The following TJP2 variants were observed in gnomAD, a reference collection of about 807,000 sequenced individuals.
TJP2 encodes Friedreich ataxia region gene X104 (tight junction protein ZO-2).
Under a neutral mutation model 133.1 loss-of-function variants are expected in TJP2, and 91 were observed. That is an observed-to-expected ratio of 0.68 (90% CI 0.58 to 0.81). The LOEUF is 0.81. Among genes scored for constraint, TJP2 ranks in the 40% least tolerant of loss-of-function variants. The probability of loss-of-function intolerance (pLI) is 0.00; values close to 1 mark genes in which losing one functional copy is unlikely to be tolerated. For missense variants in TJP2, 1,541 were observed against 1,565.6 expected (o/e 0.98, Z 0.26); for synonymous variants, 592 against 583.4 (o/e 1.01, Z -0.21).
chr9:69,139,590 A>G (rs900180572), intron 1 of TJP2, among the ~76,000 whole-genome samples: 1 of 152,112 alleles, frequency 6.6e-6, no homozygotes, highest in African/African-American at 2.4e-5. Flanking sequence ...CAGGCATGAG[A>G]TAATGAATTT....
At chr9:69,238,146 A>G (rs1000029050) in intron 15 of TJP2, among the ~76,000 whole-genome samples, 173 bp downstream of exon 15, 4 of 152,150 alleles carry the variant, frequency 2.6e-5, no homozygotes, top group African/African-American at 9.7e-5. Context: ...ACACATACAC[A>G]CACACATACA....
chr9:69,191,655 G>A (rs937715774), intron 1 of TJP2, among the ~76,000 whole-genome samples: 7 of 152,182 alleles, frequency 4.6e-5, no homozygotes, highest in Admixed American at 4.6e-4. Context: ...TGGGGACTGT[G>A]TCCTATGTTG....
At chr9:69,176,151 A>G (rs1251817671) in intron 1 of TJP2, among the ~76,000 whole-genome samples, 2 of 152,204 alleles carry the variant, frequency 1.3e-5, no homozygotes, top group Non-Finnish European at 2.9e-5. Flanking sequence ...TCCTATATGC[A>G]TTCCCTTCAG....
chr9:69,215,223 C>T (rs886392793), intron 2 of TJP2, among the ~76,000 whole-genome samples: 2 of 152,068 alleles, frequency 1.3e-5, no homozygotes, highest in South Asian at 2.1e-4. Context: ...GTACTGTGTT[C>T]GGTACTTGAG....
At chr9:69,227,600 C>T (rs796171464) in intron 7 of TJP2, among the ~76,000 whole-genome samples, 165 bp from the exon 8 acceptor site, 4 of 152,132 alleles carry the variant, frequency 2.6e-5, no homozygotes, top group Non-Finnish European at 5.9e-5. Context: ...TCCCTTAAAA[C>T]GAGCAAGTTT....
intron 21 of TJP2, among the ~76,000 whole-genome samples, 176 bp from the exon 22 acceptor site, chr9:69,252,639 G>T (rs957349461): frequency 1.3e-5 from 2 of 152,204 alleles, no homozygotes; most frequent in Non-Finnish European, 2.9e-5. Flanking sequence ...CCTGTCTGAC[G>T]TGTACCGCAC....
chr9:69,225,322 G>A lies in TJP2; in HGVS notation c.971G>A (p.Gly324Glu), dbSNP rs1829254476. Reference protein sequence around the residue: ...RANEEYGLRLGSQIFVKEMTR... With the variant: ...RANEEYGLRLESQIFVKEMTR... ...CTCCTAGAGTATGGTCTCCGGCTTG[G>A]GAGTCAGATCTTCGTAAAGGAAATG... is the stretch of plus-strand genomic sequence containing the variant. The change falls in exon 6 of 23, where the codon GGG becomes GAG. Residue 324 changes from glycine (G) to glutamate (E), a missense_variant. Physicochemically the swap from Gly to Glu is moderately conservative, Grantham distance 98 (BLOSUM62 -2). Transcript: ENST00000377245. 6.2e-7 allele frequency: 1 copy of A among 1,613,316 alleles called. No homozygotes were observed. The highest frequency in any genetic ancestry group is 2.2e-5 in the East Asian group (1 of 44,868).
At chr9:69,145,765 A>G in intron 1 of TJP2, 1 of 1,232,098 alleles carries the variant, frequency 8.1e-7, no homozygotes. Context: ...CCACTTAACA[A>G]AAGAGAACTT....
At position 69,126,124 on chromosome 9, in the gene TJP2, C is replaced by T. The variant is rs75290966; in HGVS notation, c.-131+4399C>T. ...AATAAGAAATTCCTACCTACTCACTCCCCTTCACCTCCAGCAGTTATATTG... is the reference window on the plus strand; with the variant it reads ...AATAAGAAATTCCTACCTACTCACTTCCCTTCACCTCCAGCAGTTATATTG... On this transcript the variant is annotated intron_variant, in intron 1 of 5. Coordinates refer to the TJP2 transcript ENST00000423935. 3.2e-3 allele frequency among the ~76,000 whole-genome samples: 247 copies of T among 76,996 alleles called. 89 individuals are homozygous for T. The highest frequency in any genetic ancestry group is 9.6e-3 in the African/African-American group (242 of 25,294). 50.5% of individuals were successfully genotyped at this position (76,996 alleles called of 152,430 possible). A position where few individuals can be genotyped will look rare whatever the true frequency, so the allele number is the denominator to read the frequency against.
intron 2 of TJP2, among the ~76,000 whole-genome samples, chr9:69,213,675 G>C (rs1174890699): frequency 6.6e-6 from 1 of 152,204 alleles, no homozygotes; most frequent in Non-Finnish European, 1.5e-5. Flanking sequence ...TTCCTCATTT[G>C]AGGGGTTTTG....
Position 69,174,446 on chromosome 9 carries a change from TG to T in TJP2, c.60+15del. 1.3e-6 allele frequency: 2 copies of T among 1,549,912 alleles called. No individual in the cohort carries two copies. Among genetic ancestry groups the T allele is most frequent in the Non-Finnish European group, 1.7e-6 (2 of 1,146,570 alleles). On this transcript the variant is annotated intron_variant, in intron 1 of 22. Coordinates refer to ENST00000377245, the MANE Select transcript of TJP2 (RefSeq NM_004817.4). ...GGTTGGCTCCGCGTAAGTGCCTCCT[TG>T]TGCCGCGCGGTTGGGAGGAGGGTCG...
chr9:69,219,709 C>A (rs971187413), intron 4 of TJP2, among the ~76,000 whole-genome samples: 2 of 152,182 alleles, frequency 1.3e-5, no homozygotes, highest in Non-Finnish European at 2.9e-5. Flanking sequence ...CAGGTGTGAG[C>A]CACCATACGC....
intron 2 of TJP2, among the ~76,000 whole-genome samples, chr9:69,154,216 A>C (rs1285607117): frequency 2.0e-5 from 3 of 152,182 alleles, no homozygotes; most frequent in Non-Finnish European, 4.4e-5. Context: ...ACGAGTAAAA[A>C]GGTTTCTCTC....
At position 69,218,360 on chromosome 9, in the gene TJP2, G is replaced by C. The variant is rs368013582; in HGVS notation, c.342+1G>C. The C allele has an allele frequency of 8.1e-6, 13 of 1,613,474 alleles. No homozygotes were observed. Among genetic ancestry groups the C allele is most frequent in the Non-Finnish European group, 8.5e-6 (10 of 1,179,374 alleles). Reference sequence around the variant, plus strand: ...AAAAAGTGGGAAGGTCGCTGCTATTGTAAGTACTGGGTTTGCTTTCAGCTT... The same window carrying C: ...AAAAAGTGGGAAGGTCGCTGCTATTCTAAGTACTGGGTTTGCTTTCAGCTT... On this transcript the variant is annotated splice_donor_variant, in intron 4 of 22. Transcript: ENST00000377245. LOFTEE classifies it high-confidence loss of function.
At chr9:69,131,215 T>G (rs180915469) in intron 1 of TJP2, among the ~76,000 whole-genome samples, 20 of 152,128 alleles carry the variant, frequency 1.3e-4, no homozygotes, top group Admixed American at 7.9e-4. Context: ...AAAACTGGAG[T>G]TTGTGTCCTT....
intron 7 of TJP2, among the ~76,000 whole-genome samples, chr9:69,226,733 G>A (rs911546883): frequency 6.6e-6 from 1 of 152,140 alleles, no homozygotes; most frequent in Non-Finnish European, 1.5e-5. Context: ...TCCTGACCTC[G>A]TGATCTGCCC....
chr9:69,130,822 G>A (rs557818220), intron 1 of TJP2, among the ~76,000 whole-genome samples: 1 of 152,154 alleles, frequency 6.6e-6, no homozygotes, highest in Admixed American at 6.6e-5. Context: ...AGGGTTATGA[G>A]GAGACCTGGG....
In TJP2 at chr9:69,125,094, A is replaced by G. The variant is rs1245892362; in HGVS notation, c.-131+3369A>G. ...CAGCCTCCCAAGTAGCTGGGTTTACAGGCATGTGCCACCACGCTTAGCTAA... is the reference window on the plus strand; with the variant it reads ...CAGCCTCCCAAGTAGCTGGGTTTACGGGCATGTGCCACCACGCTTAGCTAA... On this transcript the variant is annotated intron_variant, in intron 1 of 5. Coordinates refer to the TJP2 transcript ENST00000423935. Among the ~76,000 whole-genome samples, 2 of 74,988 alleles carry G rather than the reference A, an allele frequency of 2.7e-5. 1 individual carries two copies. The highest frequency in any genetic ancestry group is 8.0e-4 in the East Asian group (2 of 2,510). 49.2% of individuals were successfully genotyped at this position (74,988 alleles called of 152,430 possible).
chr9:69,201,918 T>C (rs1430288516), intron 1 of TJP2, among the ~76,000 whole-genome samples: 1 of 152,094 alleles, frequency 6.6e-6, no homozygotes, highest in Non-Finnish European at 1.5e-5. Flanking sequence ...GTCAAATTCA[T>C]AGAATCACAA....
Sources: gnomAD v4.1 joint callset for allele counts (sites outside exome capture counted in the v4.1 genomes callset) on GRCh38, gnomAD v4.1.1 for gene constraint, MANE v1.5 for transcripts, NCBI Gene and HGNC (gene_info 2026-07-23, HGNC 2026-07-21) for gene names.